URM1: variants seen among roughly 807,000 people sequenced by gnomAD.
URM1 encodes the protein ubiquitin-related modifier 1.
URM1 carries 11 observed loss-of-function variants against 17.7 expected under a neutral mutation model. That is an observed-to-expected ratio of 0.62 (90% CI 0.39 to 1.03). The LOEUF (loss-of-function observed/expected upper bound fraction) is 1.03, where lower values mean the gene tolerates loss of function less well. Among genes scored for constraint, URM1 ranks in the 50% least tolerant of loss-of-function variants. The pLI, the probability that URM1 is intolerant of heterozygous loss-of-function variation, is 0.00. For synonymous variants in URM1, 48 were observed against 50.6 expected, an observed-to-expected ratio of 0.95 and a Z score of 0.22; for missense variants, 128 against 129.2, an observed-to-expected ratio of 0.99 and a Z score of 0.04.
In URM1 at chr9:128,389,901, C is replaced by A; in HGVS notation, c.*167C>A. On this transcript the variant is annotated 3_prime_UTR_variant, in exon 5 of 5. Transcript: ENST00000372853. ...AAAGAGGCCAGGTGCTAAAAATGAG[C>A]CTTTCTCAAGCACGTGAGCAGCGGA... 2.2e-6 allele frequency: 2 copies of A among 923,468 alleles called. No individual in the cohort carries two copies. The highest frequency in any genetic ancestry group is 3.2e-6 in the Non-Finnish European group (2 of 629,972). 57.2% of individuals were successfully genotyped at this position (923,468 alleles called of 1,614,324 possible). A position where few individuals can be genotyped will look rare whatever the true frequency, so the allele number is the denominator to read the frequency against.
In URM1 at chr9:128,380,168, T is replaced by C. The variant is rs112661003; in HGVS notation, c.106+2062T>C. On this transcript the variant is annotated intron_variant, in intron 2 of 4. Coordinates refer to ENST00000372853, the MANE Select transcript of URM1 (RefSeq NM_030914.4). The stretch of plus-strand genomic sequence containing the variant: ...GTATGGGGAGAAAAAAAGAAAATGG[T>C]CAAGTGAGATTTGGCAGGATTCTTC... Among the ~76,000 whole-genome samples, 176 of 151,806 alleles carry C rather than the reference T, an allele frequency of 1.2e-3. 1 individual carries two copies. Among genetic ancestry groups the C allele is most frequent in the Middle Eastern group, 6.8e-3 (2 of 294 alleles).
In URM1 at chr9:128,387,709, AGCCC is replaced by A; in HGVS notation, c.107-106_107-103del. On this transcript the variant is annotated intron_variant, in intron 2 of 4. Coordinates refer to ENST00000372853, the MANE Select transcript of URM1 (RefSeq NM_030914.4). The surrounding 1 kb of genome is among the most constrained non-coding windows in gnomAD (Gnocchi z 4.3). ...GGCTATCACAGCCTGGTCTAAAAGAAGCCCTCTAAACACCGTGTGTATTTCCTTG... is the reference window on the plus strand; with the variant it reads ...GGCTATCACAGCCTGGTCTAAAAGAATCTAAACACCGTGTGTATTTCCTTG... The A allele has an allele frequency of 6.4e-7, 1 of 1,550,528 alleles. No individual in the cohort carries two copies. The highest frequency in any genetic ancestry group is 8.7e-7 in the Non-Finnish European group (1 of 1,143,316).
chr9:128,387,974 C>A lies in URM1; in HGVS notation c.188+77C>A, dbSNP rs1833250652. 1 of 1,580,538 alleles carries A rather than the reference C, an allele frequency of 6.3e-7. No individual in the cohort carries two copies. Among genetic ancestry groups the A allele is most frequent in the East Asian group, 2.3e-5 (1 of 43,986 alleles). ...TTGAGCCCCCACCCTCGGGTTCAGTCCTGGCCTTCTCTGAATCCGGTTCTC... is the reference window on the plus strand; with the variant it reads ...TTGAGCCCCCACCCTCGGGTTCAGTACTGGCCTTCTCTGAATCCGGTTCTC... On this transcript the variant is annotated intron_variant, in intron 3 of 4. Transcript: ENST00000372853. The surrounding 1 kb of genome is among the most constrained non-coding windows in gnomAD (Gnocchi z 4.3).
rs560831709 is a variant in URM1, at chr9:128,389,086, C to T, written c.189-175C>T. 101 of 1,414,774 alleles carry T rather than the reference C, an allele frequency of 7.1e-5. 2 individuals carry two copies. In the South Asian group the frequency reaches 1.4e-3, roughly 19 times the overall value. The allele number at this position is 1,414,774 out of a possible 1,614,324, so 87.6% of individuals were successfully genotyped here. ...GGCTACAAAGACCATGCATGACTGA[C>T]CTGGTTTCCTTCACACTCAGACCAG... On this transcript the variant is annotated intron_variant, in intron 3 of 4. Coordinates refer to ENST00000372853, the MANE Select transcript of URM1 (RefSeq NM_030914.4).
At chr9:128,378,968 GA>G (rs1304369682) in intron 2 of URM1, among the ~76,000 whole-genome samples, 2 of 125,410 alleles carry the variant, frequency 1.6e-5, no homozygotes, top group African/African-American at 6.7e-5. Context: ...AAAAAAAAAA[GA>G]ATGAACTTGC....
At chr9:128,380,003 T>A (rs1272490275) in intron 2 of URM1, among the ~76,000 whole-genome samples, 1 of 151,914 alleles carries the variant, frequency 6.6e-6, no homozygotes, top group African/African-American at 2.4e-5. Context: ...TTCCTAGCTG[T>A]TTTAGAAGCT....
chr9:128,386,221 C>A (rs1259364142), intron 2 of URM1, among the ~76,000 whole-genome samples: 1 of 152,208 alleles, frequency 6.6e-6, no homozygotes, highest in Non-Finnish European at 1.5e-5. Context: ...ACCCCGGTGG[C>A]TCTATCGAGC....
At position 128,389,148 on chromosome 9, in the gene URM1, G is replaced by A. The variant is rs1833268810; in HGVS notation, c.189-113G>A. On this transcript the variant is annotated intron_variant, in intron 3 of 4. Coordinates refer to ENST00000372853, the MANE Select transcript of URM1 (RefSeq NM_030914.4). ...TGGGATATCTTTAGCCAGACCCCAG[G>A]AGGAAGGCTCCTCAGCACACTCTCC... 2.0e-6 allele frequency: 3 copies of A among 1,492,114 alleles called. No individual in the cohort carries two copies. In the African/African-American group the frequency reaches 4.2e-5, roughly 21 times the overall value. 92.4% of individuals were successfully genotyped at this position (1,492,114 alleles called of 1,614,324 possible).
intron 2 of URM1, among the ~76,000 whole-genome samples, chr9:128,386,764 A>T (rs1833232880): frequency 6.6e-6 from 1 of 152,244 alleles, no homozygotes; most frequent in South Asian, 2.1e-4. Flanking sequence ...TCTCCAGCTT[A>T]GCCCTGAGCT....
chr9:128,376,345 G>A (rs535092960), intron 1 of URM1, among the ~76,000 whole-genome samples: 2 of 152,268 alleles, frequency 1.3e-5, no homozygotes, highest in East Asian at 3.9e-4. Flanking sequence ...CTGGGTGACA[G>A]AGTGAGACCT....
intron 2 of URM1, among the ~76,000 whole-genome samples, chr9:128,380,884 G>A (rs1564411216): frequency 6.6e-6 from 1 of 152,086 alleles, no homozygotes; most frequent in Non-Finnish European, 1.5e-5. Flanking sequence ...GAATGCAGTG[G>A]CGCGATCTTG....
At chr9:128,377,398 C>T (rs1322602468) in intron 1 of URM1, among the ~76,000 whole-genome samples, 2 of 152,120 alleles carry the variant, frequency 1.3e-5, no homozygotes, top group African/African-American at 4.8e-5. Context: ...ATGGGCCAGG[C>T]GCGGTGGCTC....
At chr9:128,380,296 G>C (rs1377765147) in intron 2 of URM1, among the ~76,000 whole-genome samples, 2 of 152,164 alleles carry the variant, frequency 1.3e-5, no homozygotes, top group Non-Finnish European at 2.9e-5. Context: ...AGTGGCACAG[G>C]GTGGGGTCTG....
At chr9:128,389,039 C>T (rs1833267320) in intron 3 of URM1, 2 of 1,353,112 alleles carry the variant, frequency 1.5e-6, no homozygotes, top group South Asian at 4.2e-5. Flanking sequence ...TGCTGGCTGG[C>T]ATTTGCACCC....
intron 1 of URM1, among the ~76,000 whole-genome samples, chr9:128,372,917 A>T (rs1000499153): frequency 6.6e-6 from 1 of 152,138 alleles, no homozygotes; most frequent in Admixed American, 6.6e-5. Context: ...CTACCAAAAA[A>T]AAAAAAAAGA....
At chr9:128,377,647 G>A (rs1002558518) in intron 1 of URM1, among the ~76,000 whole-genome samples, 1 of 152,122 alleles carries the variant, frequency 6.6e-6, no homozygotes, top group African/African-American at 2.4e-5. Flanking sequence ...TGCAGCCTGG[G>A]CAACAGAGTG....
chr9:128,374,039 G>A (rs772785374), intron 1 of URM1, among the ~76,000 whole-genome samples: 1 of 152,148 alleles, frequency 6.6e-6, no homozygotes, highest in Non-Finnish European at 1.5e-5. Flanking sequence ...GAATTGGGGG[G>A]GTTGAAGGAA....
At chr9:128,384,562 T>C (rs1833202617) in intron 2 of URM1, among the ~76,000 whole-genome samples, 1 of 152,174 alleles carries the variant, frequency 6.6e-6, no homozygotes, top group African/African-American at 2.4e-5. Flanking sequence ...CACTATCTGA[T>C]TAATGGTTGG....
chr9:128,387,671 C>A lies in URM1; in HGVS notation c.107-145C>A. On this transcript the variant is annotated intron_variant, in intron 2 of 4. Transcript: ENST00000372853. This position sits in a 1 kb window ranked among gnomAD's most constrained non-coding sequence, Gnocchi z 4.3. ...TAACCTGTTTCCTCACCTTTGGAATCTACAAGTTCATGGGCTATCACAGCC... is the reference window on the plus strand; with the variant it reads ...TAACCTGTTTCCTCACCTTTGGAATATACAAGTTCATGGGCTATCACAGCC... 7.3e-7 allele frequency: 1 copy of A among 1,362,226 alleles called. No individual in the cohort carries two copies. Among genetic ancestry groups the A allele is most frequent in the Non-Finnish European group, 1.0e-6 (1 of 1,002,446 alleles). The allele number at this position is 1,362,226 out of a possible 1,614,324, so 84.4% of individuals were successfully genotyped here. A position where few individuals can be genotyped will look rare whatever the true frequency, so the allele number is the denominator to read the frequency against.
Sources: gnomAD v4.1 joint callset for allele counts (sites outside exome capture counted in the v4.1 genomes callset) on GRCh38, gnomAD v4.1.1 for gene constraint, Gnocchi (gnomAD v3.1) non-coding constraint, MANE v1.5 for transcripts, NCBI Gene and HGNC (gene_info 2026-07-23, HGNC 2026-07-21) for gene names.